SRPX: variants seen among roughly 807,000 people sequenced by gnomAD.
SRPX encodes the protein sushi repeat containing protein X-linked, also known as sushi repeat-containing protein SRPX.
SRPX carries 24 observed loss-of-function variants against 38.1 expected under a neutral mutation model. The observed-to-expected ratio is 0.63, with a 90% CI of 0.46 to 0.89. SRPX has a LOEUF of 0.89. Ranked by LOEUF, SRPX falls within the 40% of genes least tolerant of loss-of-function variation. The pLI is 0.00. For missense variants in SRPX, 416 were observed against 377.8 expected, an observed-to-expected ratio of 1.10 and a Z score of -0.84; for synonymous variants, 184 against 153.8, an observed-to-expected ratio of 1.20 and a Z score of -1.45.
chrX:38,194,925 T>G (rs1211826377), intron 1 of SRPX, among the ~76,000 whole-genome samples: 1 of 91,118 alleles, frequency 1.1e-5, no homozygotes, highest in African/African-American at 4.5e-5. Flanking sequence ...CAGGCTGGAG[T>G]GCAGTGGCGC....
At chrX:38,188,846 T>C (rs1938838774) in intron 1 of SRPX, among the ~76,000 whole-genome samples, 3 of 111,934 alleles carry the variant, frequency 2.7e-5, no homozygotes, top group Non-Finnish European at 5.6e-5. Flanking sequence ...CAGTAGAATA[T>C]ATTTCTTCCT....
intron 5 of SRPX, among the ~76,000 whole-genome samples, chrX:38,163,300 G>GTTA (rs1464202864): frequency 8.9e-6 from 1 of 112,126 alleles, no homozygotes; most frequent in African/African-American, 3.2e-5. Flanking sequence ...AAACTGTACT[G>GTTA]TTATTGCTAA....
chrX:38,186,230 G>A (rs1372569277), intron 1 of SRPX, among the ~76,000 whole-genome samples: 2 of 110,902 alleles, frequency 1.8e-5, no homozygotes, highest in African/African-American at 6.6e-5. Flanking sequence ...GCCCTGTGGA[G>A]TGGCCCATGT....
Position 38,220,743 on chromosome X carries a change from A to G in SRPX, c.50T>C (p.Leu17Pro), listed in dbSNP as rs201383079. 1.8e-6 allele frequency: 2 copies of G among 1,137,231 alleles called. No individual in the cohort carries two copies. The highest frequency in any genetic ancestry group is 2.3e-6 in the Non-Finnish European group (2 of 858,913). 93.7% of individuals were successfully genotyped at this position (1,137,231 alleles called of 1,213,427 possible). A position where few individuals can be genotyped will look rare whatever the true frequency, so the allele number is the denominator to read the frequency against. The change falls in exon 1 of 10, where the codon CTG (leucine) becomes CCG (proline). Residue 17 changes from leucine (L) to proline (P), a missense_variant. Physicochemically the swap from Leu to Pro is moderately conservative, Grantham distance 98 (BLOSUM62 -3). Coordinates refer to ENST00000378533, the MANE Select transcript of SRPX (RefSeq NM_006307.5). ...GACGCGCAGCAGCAGCAGCAGCAGC[A>G]GAGGCGGCAGCAGCAGCAGCAGCGC... is the stretch of plus-strand genomic sequence containing the variant. ...RPALLLLLPP[L>P]LLLLLLRVPP...
chrX:38,198,673 C>A (rs1484938509), intron 1 of SRPX, among the ~76,000 whole-genome samples: 1 of 110,843 alleles, frequency 9.0e-6, no homozygotes, highest in African/African-American at 3.3e-5. Flanking sequence ...ATTAGGCAGG[C>A]GCTGGGAAGC....
intron 1 of SRPX, among the ~76,000 whole-genome samples, chrX:38,204,931 A>T (rs1292531357): frequency 8.9e-6 from 1 of 112,206 alleles, no homozygotes; most frequent in East Asian, 2.8e-4. Context: ...ACATCAGGAC[A>T]CTTGAGGGCA....
chrX:38,179,789 C>A (rs1006576417), intron 1 of SRPX, among the ~76,000 whole-genome samples: 3 of 111,765 alleles, frequency 2.7e-5, no homozygotes, highest in Non-Finnish European at 5.6e-5. Context: ...AAATTACAAA[C>A]TATTCATCAT....
chrX:38,170,588 T>C (rs1378030828), intron 4 of SRPX, among the ~76,000 whole-genome samples: 1 of 111,353 alleles, frequency 9.0e-6, no homozygotes, highest in Non-Finnish European at 1.9e-5. Context: ...ACAATCCTCC[T>C]TCTCCCAAAT....
At chrX:38,195,541 G>C (rs1353760307) in intron 1 of SRPX, among the ~76,000 whole-genome samples, 1 of 111,365 alleles carries the variant, frequency 9.0e-6, no homozygotes, top group Non-Finnish European at 1.9e-5. Context: ...ATAAGAACAT[G>C]TTTATCCAAG....
Position 38,160,124 on chromosome X carries a change from C to T in SRPX, c.848G>A (p.Gly283Glu). 1 of 1,211,653 alleles carries T rather than the reference C, an allele frequency of 8.3e-7. No individual in the cohort carries two copies. The highest frequency in any genetic ancestry group is 1.1e-6 in the Non-Finnish European group (1 of 895,424). Residue 283 changes from glycine (G) to glutamate (E), a missense_variant, in exon 7 of 10, where the codon GGA (glycine) becomes GAA (glutamate). By Grantham distance (98) the Gly-to-Glu change is moderately conservative. Transcript: ENST00000378533. Reference sequence around the variant, plus strand: ...GATGCAGGAGAACTCACAGGTGGCTCCATAATTATCACCGTCGCTGGAGCA... The same window carrying T: ...GATGCAGGAGAACTCACAGGTGGCTTCATAATTATCACCGTCGCTGGAGCA... ...MKCSSDGDNY[G>E]ATCEFSCIGG...
intron 9 of SRPX, among the ~76,000 whole-genome samples, chrX:38,150,912 A>G (rs758744378): frequency 8.9e-6 from 1 of 112,310 alleles, no homozygotes; most frequent in Admixed American, 9.4e-5. Flanking sequence ...GCTGAGCCCA[A>G]TGAATAAATG....
intron 4 of SRPX, among the ~76,000 whole-genome samples, chrX:38,166,925 A>G (rs1396191509): frequency 1.8e-5 from 2 of 111,906 alleles, no homozygotes; most frequent in Non-Finnish European, 3.8e-5. Flanking sequence ...AGAGTCTCAG[A>G]GTTTCCCAAA....
Position 38,174,361 on chromosome X carries a change from G to C in SRPX, c.158-10C>G. On this transcript the variant is annotated splice_polypyrimidine_tract_variant and intron_variant, in intron 2 of 9. Coordinates refer to ENST00000378533, the MANE Select transcript of SRPX (RefSeq NM_006307.5). ...GAGCACCACGGGGTATCTACAAGTA[G>C]CAGAAACAAAAGAGGAGATAAATAT... 9.8e-7 allele frequency: 1 copy of C among 1,018,475 alleles called. No individual in the cohort carries two copies. Among genetic ancestry groups the C allele is most frequent in the Non-Finnish European group, 1.3e-6 (1 of 792,008 alleles). The allele number at this position is 1,018,475 out of a possible 1,213,427, so 83.9% of individuals were successfully genotyped here. A position where few individuals can be genotyped will look rare whatever the true frequency, so the allele number is the denominator to read the frequency against.
chrX:38,176,203 C>A (rs766565943), intron 2 of SRPX, among the ~76,000 whole-genome samples: 6 of 110,712 alleles, frequency 5.4e-5, no homozygotes, highest in African/African-American at 1.3e-4. Context: ...GTAAATGGAA[C>A]CTTGGAAAGT....
chrX:38,205,708 C>T (rs772136544), intron 1 of SRPX, among the ~76,000 whole-genome samples: 1 of 111,932 alleles, frequency 8.9e-6, no homozygotes, highest in African/African-American at 3.2e-5. Context: ...GGAAAATGAG[C>T]CTTTGATATT....
At position 38,154,530 on chromosome X, in the gene SRPX, A is replaced by G; in HGVS notation, c.1143T>C (p.Gly381=). ...TCCTGCCAATGAGAGTCGGGAACAC[A>G]CCCACCAGCTCCACCACGGTGATGT... The part of the protein sequence containing the change: ...LRHITVVELV[G]VFPTLIGRIG... Residue 381 remains glycine, a synonymous_variant, in exon 9 of 10, where the codon GGT becomes GGC. Transcript: ENST00000378533. 2 of 1,207,526 alleles carry G rather than the reference A, an allele frequency of 1.7e-6. No individual in the cohort carries two copies. Among genetic ancestry groups the G allele is most frequent in the Non-Finnish European group, 2.2e-6 (2 of 893,540 alleles).
At chrX:38,172,178 G>T in intron 3 of SRPX, 121 bp from the exon 4 acceptor site, 1 of 757,373 alleles carries the variant, frequency 1.3e-6, no homozygotes. Context: ...AGAAGGCCAG[G>T]CGCAGTGGCT....
At chrX:38,220,625 G>C in intron 1 of SRPX, 71 bp downstream of exon 1, 1 of 1,152,788 alleles carries the variant, frequency 8.7e-7, no homozygotes. Context: ...TATCCCGAGC[G>C]AAGGGTCCCA....
intron 7 of SRPX, 83 bp downstream of exon 7, chrX:38,159,934 T>C: frequency 9.4e-7 from 1 of 1,062,601 alleles, no homozygotes; most frequent in Non-Finnish European, 1.3e-6. Context: ...TCAAAGTATA[T>C]GAAGGGAAAC....
Sources: gnomAD v4.1 joint callset for allele counts (sites outside exome capture counted in the v4.1 genomes callset) on GRCh38, gnomAD v4.1.1 for gene constraint, MANE v1.5 for transcripts, NCBI Gene and HGNC (gene_info 2026-07-23, HGNC 2026-07-21) for gene names.